The following CTNND2 variants were observed in gnomAD, a reference collection of about 807,000 sequenced individuals.
The protein encoded by CTNND2 is catenin delta 2.
In CTNND2, 22 loss-of-function variants were observed where a neutral mutation model predicts 144.4. That is an observed-to-expected ratio of 0.15 (90% CI 0.11 to 0.22). The LOEUF (loss-of-function observed/expected upper bound fraction) is 0.22, where lower values mean the gene tolerates loss of function less well. CTNND2 is among the 10% of genes least tolerant of loss of function. The pLI is 1.00. For synonymous variants in CTNND2, 751 were observed against 695.6 expected (o/e 1.08, Z -1.25); for missense variants, 1,353 against 1,618.8 (o/e 0.84, Z 2.82).
At chr5:11,148,479 T>C (rs1419711001) in intron 12 of CTNND2, among the ~76,000 whole-genome samples, 1 of 152,174 alleles carries the variant, frequency 6.6e-6, no homozygotes, top group Non-Finnish European at 1.5e-5. Context: ...GGCAGGTGCA[T>C]CTGGGCTTGG....
chr5:11,313,360 C>T (rs553735157), intron 9 of CTNND2, among the ~76,000 whole-genome samples: 3 of 152,302 alleles, frequency 2.0e-5, no homozygotes, highest in Middle Eastern at 3.4e-3. Context: ...TTCCAAGGCT[C>T]AGTGACAAGC....
At chr5:11,087,498 G>A (rs185926812) in intron 15 of CTNND2, among the ~76,000 whole-genome samples, 1 of 152,300 alleles carries the variant, frequency 6.6e-6, no homozygotes, top group East Asian at 1.9e-4. Flanking sequence ...TAATGGGGTG[G>A]TATTAGCACA....
At chr5:11,723,078 A>G (rs924720947) in intron 2 of CTNND2, among the ~76,000 whole-genome samples, 2 of 147,298 alleles carry the variant, frequency 1.4e-5, no homozygotes, top group African/African-American at 2.6e-5. Context: ...GCTTTCAAAC[A>G]GCAGTTAAAA....
chr5:11,360,094 G>A (rs1028387468), intron 8 of CTNND2, among the ~76,000 whole-genome samples: 22 of 152,234 alleles, frequency 1.4e-4, no homozygotes, highest in African/African-American at 4.8e-4. Flanking sequence ...ACAGTAGTGC[G>A]CATCTGAGTT....
chr5:11,678,670 C>T (rs1266201562), intron 2 of CTNND2, among the ~76,000 whole-genome samples: 1 of 152,084 alleles, frequency 6.6e-6, no homozygotes, highest in Non-Finnish European at 1.5e-5. Context: ...TAAAATACTG[C>T]AAATCATGCA....
At chr5:11,289,108 C>G (rs1748047675) in intron 9 of CTNND2, among the ~76,000 whole-genome samples, 1 of 152,198 alleles carries the variant, frequency 6.6e-6, no homozygotes, top group East Asian at 1.9e-4. Context: ...TGCTCCCAGG[C>G]CACTATCTGC....
In CTNND2 at chr5:10,973,441, G is replaced by C. The variant is rs769401561; in HGVS notation, c.*12C>G. On this transcript the variant is annotated 3_prime_UTR_variant, in exon 22 of 22. Coordinates refer to ENST00000304623, the MANE Select transcript of CTNND2 (RefSeq NM_001332.4). This position sits in a 1 kb window ranked among gnomAD's most constrained non-coding sequence, Gnocchi z 5.6. ...CACATGCACTGTTCCCGGAGCGCCT[G>C]TGCCCTGCTCCTCACACCCAGGAGT... The C allele has an allele frequency of 6.4e-7, 1 of 1,569,936 alleles. No homozygotes were observed. The highest frequency in any genetic ancestry group is 1.2e-5 in the South Asian group (1 of 83,906).
chr5:11,648,799 C>T (rs58100585), intron 2 of CTNND2, among the ~76,000 whole-genome samples: 1,805 of 152,238 alleles, frequency 0.012, 29 homozygotes, highest in African/African-American at 0.042. Flanking sequence ...CACTTAATCT[C>T]ACTGGATTAA....
intron 2 of CTNND2, among the ~76,000 whole-genome samples, chr5:11,691,373 A>AAAAATAAAAT (rs376221473): frequency 0.017 from 2,502 of 146,312 alleles, 66 homozygotes; most frequent in African/African-American, 0.061. Flanking sequence ...CTCTGTCTCA[A>AAAAATAAAAT]AAAATAAAAT....
At chr5:11,599,095 G>T (rs1157767435) in intron 2 of CTNND2, among the ~76,000 whole-genome samples, 1 of 152,112 alleles carries the variant, frequency 6.6e-6, no homozygotes, top group Non-Finnish European at 1.5e-5. Flanking sequence ...CAGCACCAGG[G>T]AGATGGTGCT....
chr5:11,375,138 G>A (rs1017806727), intron 7 of CTNND2, among the ~76,000 whole-genome samples: 3 of 152,166 alleles, frequency 2.0e-5, no homozygotes, highest in African/African-American at 7.2e-5. Flanking sequence ...TAGGTAGGCT[G>A]CAGAAATTCC....
chr5:11,189,292 G>A (rs1219997963), intron 11 of CTNND2, among the ~76,000 whole-genome samples: 2 of 152,064 alleles, frequency 1.3e-5, no homozygotes, highest in African/African-American at 4.8e-5. Context: ...AAGGTGCCTG[G>A]GTCCTTACTC....
chr5:11,631,224 A>G (rs72734934), intron 2 of CTNND2, among the ~76,000 whole-genome samples: 2,741 of 152,292 alleles, frequency 0.018, 37 homozygotes, highest in Non-Finnish European at 0.028. Context: ...TCTCCAAAAT[A>G]TTGAAAGTTT....
intron 3 of CTNND2, among the ~76,000 whole-genome samples, chr5:11,445,453 T>C (rs1764710699): frequency 2.0e-5 from 3 of 152,076 alleles, no homozygotes. Context: ...AACTAAACGG[T>C]GGGTTGAGTG....
intron 2 of CTNND2, among the ~76,000 whole-genome samples, chr5:11,634,620 T>C (rs1386620550): frequency 6.6e-6 from 1 of 152,160 alleles, no homozygotes; most frequent in East Asian, 1.9e-4. Context: ...AAGTTGAATA[T>C]TTTACTGTTT....
intron 7 of CTNND2, among the ~76,000 whole-genome samples, chr5:11,377,772 C>G (rs1758083642): frequency 6.6e-6 from 1 of 152,200 alleles, no homozygotes; most frequent in Admixed American, 6.5e-5. Context: ...TAGGCACTAA[C>G]TTGCCATACG....
At chr5:11,258,547 T>C (rs757253020) in intron 9 of CTNND2, among the ~76,000 whole-genome samples, 3 of 152,210 alleles carry the variant, frequency 2.0e-5, no homozygotes, top group Non-Finnish European at 2.9e-5. Context: ...ACTTCATCCT[T>C]ATTAGATTAA....
At chr5:11,402,127 A>C (rs1760697906) in intron 5 of CTNND2, among the ~76,000 whole-genome samples, 1 of 152,052 alleles carries the variant, frequency 6.6e-6, no homozygotes, top group Admixed American at 6.6e-5. Flanking sequence ...ATGCAATAAA[A>C]CAACAACAAC....
intron 3 of CTNND2, among the ~76,000 whole-genome samples, chr5:11,535,544 T>A (rs1030585133): frequency 6.6e-6 from 1 of 152,218 alleles, no homozygotes; most frequent in African/African-American, 2.4e-5. Flanking sequence ...TGTAATCTTA[T>A]AAGTGGTAAC....
Sources: allele counts gnomAD v4.1 joint callset (sites outside exome capture counted in the v4.1 genomes callset), GRCh38; gene constraint gnomAD v4.1.1; non-coding constraint Gnocchi (gnomAD v3.1); transcripts MANE v1.5; gene names NCBI Gene and HGNC (gene_info 2026-07-23, HGNC 2026-07-21).